SUGCT: variants seen among roughly 807,000 people sequenced by gnomAD.
SUGCT encodes succinyl-CoA:glutarate-CoA transferase, also known as succinyl-CoA:glutarate CoA-transferase.
SUGCT carries 41 observed loss-of-function variants against 55.0 expected under a neutral mutation model. That is an observed-to-expected ratio of 0.74 (90% confidence interval 0.58 to 0.97). SUGCT has a LOEUF of 0.97. Ranked by LOEUF, SUGCT falls within the 50% of genes least tolerant of loss-of-function variation. The pLI is 0.00. For missense variants in SUGCT, 568 were observed against 547.8 expected (o/e 1.04, Z -0.37); for synonymous variants, 187 against 200.4 (o/e 0.93, Z 0.56).
At chr7:40,571,643 T>C (rs1274917381) in intron 12 of SUGCT, among the ~76,000 whole-genome samples, 1 of 152,180 alleles carries the variant, frequency 6.6e-6, no homozygotes, top group Non-Finnish European at 1.5e-5. Context: ...GTTTTTTGCA[T>C]GAACACATCA....
intron 12 of SUGCT, among the ~76,000 whole-genome samples, chr7:40,683,113 A>G (rs1305925848): frequency 6.6e-6 from 1 of 152,180 alleles, no homozygotes; most frequent in Non-Finnish European, 1.5e-5. Context: ...TCTGCTTAAA[A>G]AAAAAGTAAC....
chr7:40,359,618 G>A (rs1798054117), intron 9 of SUGCT, among the ~76,000 whole-genome samples: 1 of 152,134 alleles, frequency 6.6e-6, no homozygotes, highest in South Asian at 2.1e-4. Flanking sequence ...CCCACCCAAA[G>A]GAAGGGTATA....
chr7:40,211,839 G>A (rs1354540823), intron 6 of SUGCT, among the ~76,000 whole-genome samples: 1 of 152,118 alleles, frequency 6.6e-6, no homozygotes, highest in Non-Finnish European at 1.5e-5. Context: ...CTTATCTAGA[G>A]CAGGGGCCTG....
chr7:40,734,555 ACT>A (rs1379740635), intron 12 of SUGCT, among the ~76,000 whole-genome samples: 2 of 151,860 alleles, frequency 1.3e-5, no homozygotes, highest in African/African-American at 2.4e-5. Flanking sequence ...TCTCACACTC[ACT>A]CTGTCCTTGC....
chr7:40,295,837 A>G (rs1340287915), intron 8 of SUGCT, among the ~76,000 whole-genome samples: 2 of 151,970 alleles, frequency 1.3e-5, no homozygotes, highest in Non-Finnish European at 2.9e-5. Flanking sequence ...TTCTCCTTAC[A>G]CCCCCTTATC....
At chr7:40,989,049 G>C in the SUGCT span, among the ~76,000 whole-genome samples, 1 of 151,090 alleles carries the variant, frequency 6.6e-6, no homozygotes, top group Non-Finnish European at 1.5e-5. Flanking sequence ...TATATTAATT[G>C]TACAATAGCA....
chr7:40,300,608 T>G (rs1291672824), intron 8 of SUGCT, among the ~76,000 whole-genome samples: 3 of 152,212 alleles, frequency 2.0e-5, no homozygotes, highest in African/African-American at 7.2e-5. Flanking sequence ...TAGGGACATA[T>G]GAGTATATGG....
chr7:40,916,843 GAAGCTATTGACA>G, the SUGCT span, among the ~76,000 whole-genome samples: 1 of 152,148 alleles, frequency 6.6e-6, no homozygotes, highest in African/African-American at 2.4e-5. Context: ...GTCCATACAT[GAAGCTATTGACA>G]AAGCCTTATG....
At chr7:40,522,489 A>AT (rs1793588803) in intron 12 of SUGCT, among the ~76,000 whole-genome samples, 1 of 152,014 alleles carries the variant, frequency 6.6e-6, no homozygotes, top group Admixed American at 6.6e-5. Flanking sequence ...TAACAACTTA[A>AT]TTTTTTTACT....
At chr7:40,909,828 C>A in the SUGCT span, among the ~76,000 whole-genome samples, 3 of 152,088 alleles carry the variant, frequency 2.0e-5, no homozygotes, top group African/African-American at 4.8e-5. Flanking sequence ...TTCATCTGTA[C>A]GAAATTCCTT....
chr7:40,412,199 C>T (rs1423617862), intron 9 of SUGCT, among the ~76,000 whole-genome samples: 2 of 152,186 alleles, frequency 1.3e-5, no homozygotes, highest in Non-Finnish European at 2.9e-5. Flanking sequence ...GTCCATTAGA[C>T]CAGAGACTGC....
At position 40,716,942 on chromosome 7, in the gene SUGCT, G is replaced by A. The variant is rs576338244; in HGVS notation, c.1090-32492G>A. Among the ~76,000 whole-genome samples the A allele has an allele frequency of 6.6e-5, 10 of 151,868 alleles. No individual in the cohort carries two copies. In the South Asian group the frequency reaches 1.5e-3, roughly 22 times the overall value. On this transcript the variant is annotated intron_variant, in intron 12 of 13. Transcript: ENST00000335693. ...CTAGATTTTAAAGATGTTAAAATGC[G>A]AAAGAAAAATGTGCCTTTTGGGATC... is the stretch of plus-strand genomic sequence containing the variant.
At chr7:40,221,436 A>T (rs1328686630) in intron 6 of SUGCT, among the ~76,000 whole-genome samples, 1 of 151,286 alleles carries the variant, frequency 6.6e-6, no homozygotes, top group Admixed American at 6.6e-5. Flanking sequence ...AAATCTAATT[A>T]TAAAATAAAT....
At chr7:40,857,938 G>A (rs1794271125) in intron 13 of SUGCT, among the ~76,000 whole-genome samples, 1 of 152,040 alleles carries the variant, frequency 6.6e-6, no homozygotes, top group African/African-American at 2.4e-5. Flanking sequence ...CCAAGTTGTT[G>A]AACCCAACAG....
intron 1 of SUGCT, chr7:40,141,929 GC>G: frequency 3.3e-6 from 1 of 299,562 alleles, no homozygotes; most frequent in Non-Finnish European, 6.9e-6. Flanking sequence ...GATGCACGTG[GC>G]CCCGCTGCTG....
chr7:40,653,176 G>C (rs2151842007), intron 12 of SUGCT, among the ~76,000 whole-genome samples: 1 of 152,306 alleles, frequency 6.6e-6, no homozygotes, highest in East Asian at 1.9e-4. Flanking sequence ...GCTGGGCAAA[G>C]GAAGTTTCTA....
the SUGCT span, among the ~76,000 whole-genome samples, chr7:40,987,612 G>A: frequency 6.6e-6 from 1 of 152,274 alleles, no homozygotes; most frequent in Admixed American, 6.5e-5. Context: ...AGACAGCTTT[G>A]TGAAAAACAT....
At chr7:40,925,251 TCA>T in the SUGCT span, among the ~76,000 whole-genome samples, 1 of 152,218 alleles carries the variant, frequency 6.6e-6, no homozygotes, top group South Asian at 2.1e-4. Flanking sequence ...AAGCTAAAAT[TCA>T]CACTGAAAAT....
intron 12 of SUGCT, among the ~76,000 whole-genome samples, chr7:40,613,424 A>G (rs1343275422): frequency 6.6e-6 from 1 of 152,210 alleles, no homozygotes; most frequent in Non-Finnish European, 1.5e-5. Context: ...TAGCTCCATC[A>G]TGACTTTGTT....
Sources: allele counts gnomAD v4.1 joint callset (sites outside exome capture counted in the v4.1 genomes callset), GRCh38; gene constraint gnomAD v4.1.1; transcripts MANE v1.5; gene names NCBI Gene and HGNC (gene_info 2026-07-23, HGNC 2026-07-21).